The following PAMR1 variants were observed in gnomAD, a reference collection of about 807,000 sequenced individuals.
PAMR1 encodes the protein peptidase domain containing associated with muscle regeneration 1.
Under a neutral mutation model 81.8 loss-of-function variants are expected in PAMR1, and 88 were observed. The observed-to-expected ratio is 1.08, with a 90% CI of 0.91 to 1.28. The LOEUF is 1.28. Ranked by LOEUF, PAMR1 falls within the 50% of genes most tolerant of loss-of-function variation. PAMR1 has a pLI of 0.00. For missense variants in PAMR1, 935 were observed against 919.7 expected (o/e 1.02, Z -0.21); for synonymous variants, 336 against 345.3 (o/e 0.97, Z 0.30).
chr11:35,492,488 G>A (rs1042297289), intron 2 of PAMR1, among the ~76,000 whole-genome samples: 2 of 152,118 alleles, frequency 1.3e-5, no homozygotes, highest in Non-Finnish European at 2.9e-5. Context: ...TAAATGTTAC[G>A]TGTTTATTGT....
chr11:35,456,837 T>C (rs1179933709), intron 6 of PAMR1, among the ~76,000 whole-genome samples: 1 of 152,314 alleles, frequency 6.6e-6, no homozygotes, highest in South Asian at 2.1e-4. Flanking sequence ...GAACCTACAA[T>C]GGACTAAACT....
Position 35,497,857 on chromosome 11 carries a change from C to CT in PAMR1, c.74-3586dup, listed in dbSNP as rs539476172. 3.3e-5 allele frequency among the ~76,000 whole-genome samples: 5 copies of CT among 152,106 alleles called. No homozygotes were observed. The South Asian group carries it at 1.0e-3, about 32-fold the overall frequency. On this transcript the variant is annotated intron_variant, in intron 1 of 10. Transcript: ENST00000619888. ...AAAAATTATAACTCAATACAGCTTT[C>CT]TTTTTTTATATATATAGCTTCTTTT...
intron 6 of PAMR1, among the ~76,000 whole-genome samples, chr11:35,466,073 A>ATT (rs112087458): frequency 5.5e-5 from 8 of 146,350 alleles, no homozygotes; most frequent in Admixed American, 5.5e-4. Flanking sequence ...TTCCAATTCT[A>ATT]TTTTTTTTTT....
chr11:35,520,929 C>T (rs1271947700), intron 1 of PAMR1, among the ~76,000 whole-genome samples: 2 of 152,180 alleles, frequency 1.3e-5, no homozygotes, highest in Admixed American at 1.3e-4. Flanking sequence ...TTCTGTCTAG[C>T]CAGTATAACC....
chr11:35,508,987 T>C (rs867985754), intron 1 of PAMR1, among the ~76,000 whole-genome samples: 2 of 152,220 alleles, frequency 1.3e-5, no homozygotes, highest in African/African-American at 4.8e-5. Context: ...TTTGCTATTA[T>C]GAATAGTGCC....
intron 3 of PAMR1, among the ~76,000 whole-genome samples, chr11:35,484,331 C>A (rs1242192305): frequency 6.6e-6 from 1 of 152,206 alleles, no homozygotes; most frequent in Non-Finnish European, 1.5e-5. Flanking sequence ...CTAACTGCCA[C>A]CTAATACCAT....
chr11:35,524,554 A>G (rs747381529), intron 1 of PAMR1, among the ~76,000 whole-genome samples: 3 of 152,180 alleles, frequency 2.0e-5, no homozygotes, highest in Admixed American at 6.5e-5. Context: ...GTGACAGGTA[A>G]CCAGCACAGA....
intron 4 of PAMR1, among the ~76,000 whole-genome samples, chr11:35,473,539 C>T (rs1850227832): frequency 6.6e-6 from 1 of 152,172 alleles, no homozygotes. Context: ...TTCCTTGAGC[C>T]AGGCTTCCTC....
chr11:35,449,422 C>T lies in PAMR1; in HGVS notation c.821-7729G>A, dbSNP rs771085757. 1.2e-4 allele frequency among the ~76,000 whole-genome samples: 18 copies of T among 152,274 alleles called. No individual in the cohort carries two copies. In the South Asian group the frequency reaches 1.2e-3, roughly 11 times the overall value. On this transcript the variant is annotated intron_variant, in intron 6 of 10. Transcript: ENST00000619888. ...TCCGTAAACCCCTGGCTGGAGTTGC[C>T]GGAATTCCTGAAGGGAGGTGCCACC...
intron 1 of PAMR1, among the ~76,000 whole-genome samples, chr11:35,517,604 T>C (rs1217142754): frequency 6.6e-6 from 1 of 152,248 alleles, no homozygotes; most frequent in Non-Finnish European, 1.5e-5. Context: ...CTTTCTTTAC[T>C]GCAGGACTCT....
In PAMR1 at chr11:35,506,619, A is replaced by C. The variant is rs1343675912; in HGVS notation, c.74-12347T>G. Among the ~76,000 whole-genome samples the C allele has an allele frequency of 3.0e-4, 46 of 151,586 alleles. 1 individual carries two copies. Among genetic ancestry groups the C allele is most frequent in the Non-Finnish European group, 1.0e-4 (7 of 67,886 alleles). ...TTGTTTTTTTTTCAGCACTTTGAAC[A>C]TGTTGTCCTCCTCCCCCATGACCTG... is the stretch of plus-strand genomic sequence containing the variant. On this transcript the variant is annotated intron_variant, in intron 1 of 10. Coordinates refer to ENST00000619888, the MANE Select transcript of PAMR1 (RefSeq NM_001001991.3).
chr11:35,491,703 T>G (rs761389023), intron 3 of PAMR1, among the ~76,000 whole-genome samples: 3 of 152,222 alleles, frequency 2.0e-5, no homozygotes, highest in Non-Finnish European at 4.4e-5. Context: ...ATACGTACAG[T>G]GCACTACAGA....
At chr11:35,455,285 C>T (rs1176828876) in intron 6 of PAMR1, among the ~76,000 whole-genome samples, 1 of 152,178 alleles carries the variant, frequency 6.6e-6, no homozygotes, top group Non-Finnish European at 1.5e-5. Flanking sequence ...ACACTCATGA[C>T]ACCATTTTCT....
chr11:35,506,596 GT>G (rs1041114200), intron 1 of PAMR1, among the ~76,000 whole-genome samples: 3 of 147,238 alleles, frequency 2.0e-5, no homozygotes, highest in Non-Finnish European at 4.5e-5. Flanking sequence ...GGCAGGGTTT[GT>G]TTTTTTTTCA....
At chr11:35,519,733 A>C (rs1163753009) in intron 1 of PAMR1, among the ~76,000 whole-genome samples, 1 of 152,222 alleles carries the variant, frequency 6.6e-6, no homozygotes, top group Non-Finnish European at 1.5e-5. Flanking sequence ...GACTTGACAC[A>C]GGCCAATCTG....
chr11:35,463,533 C>CA (rs1856701797), intron 6 of PAMR1, among the ~76,000 whole-genome samples: 1 of 152,176 alleles, frequency 6.6e-6, no homozygotes, highest in Non-Finnish European at 1.5e-5. Flanking sequence ...TACTCGAGGA[C>CA]CCATTTTGTT....
At position 35,525,609 on chromosome 11, in the gene PAMR1, C is replaced by T. The variant is rs909423681; in HGVS notation, c.-24G>A. ...ATCCTTGCCGCGGCTGGTGCCCGAG[C>T]GTCTACTGGGGAGGGAGAGGAGGGA... On this transcript the variant is annotated 5_prime_UTR_variant, in exon 1 of 11. Transcript: ENST00000619888. 6 of 1,610,882 alleles carry T rather than the reference C, an allele frequency of 3.7e-6. No homozygotes were observed. In the African/African-American group the frequency reaches 8.0e-5, roughly 22 times the overall value.
In PAMR1 at chr11:35,470,744, C is replaced by T. The variant is rs757353863; in HGVS notation, c.569G>A (p.Arg190His). The change falls in exon 5 of 11, where the codon CGC (arginine) becomes CAC (histidine). Residue 190 changes from arginine (R) to histidine (H), a missense_variant. Transcript: ENST00000619888. Reference sequence around the variant, plus strand: ...GACACGCTTGATGATCTGGCCATCGCGGTTGTCTCCATCACGAACCTCAAC... The same window carrying T: ...GACACGCTTGATGATCTGGCCATCGTGGTTGTCTCCATCACGAACCTCAAC... ...DYVEVRDGDN[R>H]DGQIIKRVCG... is the part of the protein sequence containing the mutation. The T allele has an allele frequency of 5.6e-6, 9 of 1,614,046 alleles. No homozygotes were observed. The highest frequency in any genetic ancestry group is 1.3e-5 in the African/African-American group (1 of 75,012).
At chr11:35,522,079 C>T (rs590498) in intron 1 of PAMR1, among the ~76,000 whole-genome samples, 101,478 of 151,768 alleles carry the variant, frequency 0.67, 34,657 homozygotes, top group East Asian at 0.91. Flanking sequence ...CCTGCCACCA[C>T]GCCCAGCTAA....
Sources: gnomAD v4.1 joint callset for allele counts (sites outside exome capture counted in the v4.1 genomes callset) on GRCh38, gnomAD v4.1.1 for gene constraint, MANE v1.5 for transcripts, NCBI Gene and HGNC (gene_info 2026-07-23, HGNC 2026-07-21) for gene names.